The following RIMS3 variants were observed in gnomAD, a reference collection of about 807,000 sequenced individuals.
RIMS3 encodes the protein regulating synaptic membrane exocytosis protein 3.
A neutral mutation model predicts 29.2 loss-of-function variants in RIMS3; 15 were observed. The observed-to-expected ratio is 0.51, with a 90% CI of 0.34 to 0.79. The LOEUF is 0.79. Ranked by LOEUF, RIMS3 falls within the 30% of genes least tolerant of loss-of-function variation. The pLI is 0.01. For synonymous variants in RIMS3, 161 were observed against 170.1 expected (o/e 0.95, Z 0.41); for missense variants, 342 against 421.4 (o/e 0.81, Z 1.65).
the RIMS3 span, among the ~76,000 whole-genome samples, chr1:40,678,347 G>T: frequency 6.6e-6 from 1 of 152,226 alleles, no homozygotes; most frequent in Non-Finnish European, 1.5e-5. Flanking sequence ...GGTGGAGGTT[G>T]CGGTGAGCTG....
chr1:40,683,841 C>T, the RIMS3 span, among the ~76,000 whole-genome samples: 52 of 152,216 alleles, frequency 3.4e-4, 1 homozygote, highest in South Asian at 3.9e-3. Context: ...ACCTCTTTAC[C>T]CTCTTTTCCT....
chr1:40,635,886 G>A lies in RIMS3; in HGVS notation c.359+30C>T, dbSNP rs772412483. On this transcript the variant is annotated intron_variant, in intron 4 of 7. Coordinates refer to ENST00000372684, the MANE Select transcript of RIMS3 (RefSeq NM_014747.3). The surrounding 1 kb of genome is among the most constrained non-coding windows in gnomAD (Gnocchi z 4.1). Reference sequence around the variant, plus strand: ...TGTGACTGGAGGACCGAGGAGGAGGGAGGGGACCACAGCACGGGGCTGCAC... The same window carrying A: ...TGTGACTGGAGGACCGAGGAGGAGGAAGGGGACCACAGCACGGGGCTGCAC... The A allele has an allele frequency of 6.2e-7, 1 of 1,607,996 alleles. No individual in the cohort carries two copies. Among genetic ancestry groups the A allele is most frequent in the African/African-American group, 1.3e-5 (1 of 74,954 alleles).
chr1:40,629,543 C>A (rs954811656), intron 5 of RIMS3, among the ~76,000 whole-genome samples, 171 bp from the exon 6 acceptor site: 3 of 152,240 alleles, frequency 2.0e-5, no homozygotes, highest in East Asian at 3.9e-4. Context: ...TTTAAAGCAG[C>A]TGAGGGACCC....
At chr1:40,655,193 T>C (rs1642258950) in intron 1 of RIMS3, among the ~76,000 whole-genome samples, 1 of 152,120 alleles carries the variant, frequency 6.6e-6, no homozygotes, top group Admixed American at 6.5e-5. Flanking sequence ...TCCGAAGCCT[T>C]CTGCTTCACT....
chr1:40,635,899 C>A lies in RIMS3; in HGVS notation c.359+17G>T, dbSNP rs775727535. The A allele has an allele frequency of 3.1e-6, 5 of 1,611,656 alleles. No individual in the cohort carries two copies. The East Asian group carries it at 1.1e-4, about 36-fold the overall frequency. On this transcript the variant is annotated intron_variant, in intron 4 of 7. Transcript: ENST00000372684. The surrounding 1 kb of genome is among the most constrained non-coding windows in gnomAD (Gnocchi z 4.1). ...CCGAGGAGGAGGGAGGGGACCACAG[C>A]ACGGGGCTGCACGCACGTGCCGTCG...
chr1:40,685,383 TAAATA>T, the RIMS3 span, among the ~76,000 whole-genome samples: 17 of 47,564 alleles, frequency 3.6e-4, no homozygotes, highest in South Asian at 2.9e-3. Context: ...TAATATATAA[TAAATA>T]AAAAAATTTA....
In RIMS3 at chr1:40,641,934, G is replaced by C; in HGVS notation, c.-9C>G. 6.2e-7 allele frequency: 1 copy of C among 1,611,742 alleles called. No individual in the cohort carries two copies. Among genetic ancestry groups the C allele is most frequent in the South Asian group, 1.1e-5 (1 of 90,964 alleles). On this transcript the variant is annotated 5_prime_UTR_variant, in exon 3 of 8. Coordinates refer to ENST00000372684, the MANE Select transcript of RIMS3 (RefSeq NM_014747.3). ...GGCTCCCCGTTAAACATGGTCCCCG[G>C]GGTGGCAGGGCCTCAGGCAGCTCTG... is the stretch of plus-strand genomic sequence containing the variant.
At chr1:40,637,904 C>T (rs1347613951) in intron 3 of RIMS3, among the ~76,000 whole-genome samples, 1 of 152,218 alleles carries the variant, frequency 6.6e-6, no homozygotes, top group Non-Finnish European at 1.5e-5. Flanking sequence ...AATTAGAAAA[C>T]AGATGGGTCT....
chr1:40,686,195 G>A, the RIMS3 span, among the ~76,000 whole-genome samples: 1 of 152,062 alleles, frequency 6.6e-6, no homozygotes, highest in Admixed American at 6.6e-5. Context: ...AGGGCAAGGG[G>A]TATTCAGCAG....
At chr1:40,657,548 C>G (rs1642288768) in intron 1 of RIMS3, among the ~76,000 whole-genome samples, 1 of 152,018 alleles carries the variant, frequency 6.6e-6, no homozygotes, top group Admixed American at 6.5e-5. Context: ...GAGTTGGAGA[C>G]CAATCTGGGC....
At chr1:40,653,134 AG>A (rs1236080817) in intron 1 of RIMS3, among the ~76,000 whole-genome samples, 2 of 152,220 alleles carry the variant, frequency 1.3e-5, no homozygotes, top group African/African-American at 4.8e-5. Flanking sequence ...TCCCACATTC[AG>A]GTGTTGGCCA....
the RIMS3 span, chr1:40,691,728 C>T: frequency 4.4e-6 from 2 of 455,296 alleles, no homozygotes; most frequent in African/African-American, 2.0e-5. Flanking sequence ...CGCCATCTTG[C>T]TTGTGCCCCC....
chr1:40,671,234 G>A, the RIMS3 span, among the ~76,000 whole-genome samples: 1 of 152,180 alleles, frequency 6.6e-6, no homozygotes, highest in Non-Finnish European at 1.5e-5. Context: ...CCTGAATGAT[G>A]CCTAGGCCTT....
chr1:40,675,742 G>A, the RIMS3 span, among the ~76,000 whole-genome samples: 1 of 124,214 alleles, frequency 8.1e-6, no homozygotes. Flanking sequence ...TGGGAAACAA[G>A]AGTGAAACTC....
At chr1:40,663,758 C>A (rs1570209233) in intron 1 of RIMS3, among the ~76,000 whole-genome samples, 1 of 152,164 alleles carries the variant, frequency 6.6e-6, no homozygotes, top group South Asian at 2.1e-4. Flanking sequence ...AGACCACATG[C>A]CCTGGGAGAA....
At chr1:40,685,294 TATTA>T in the RIMS3 span, among the ~76,000 whole-genome samples, 3 of 76,584 alleles carry the variant, frequency 3.9e-5, no homozygotes, top group Admixed American at 1.2e-4. Flanking sequence ...TTAATATATA[TATTA>T]TATATATTAA....
At position 40,634,098 on chromosome 1, in the gene RIMS3, T is replaced by G. The variant is rs559771568; in HGVS notation, c.360-917A>C. Among the ~76,000 whole-genome samples the G allele has an allele frequency of 4.1e-5, 6 of 147,666 alleles. No individual in the cohort carries two copies. In the South Asian group the frequency reaches 8.7e-4, roughly 22 times the overall value. ...CTGAGAAAGGACAGATGAGGGAGGG[T>G]TGGCCCTGCCAACCCTCAGGGGCTA... On this transcript the variant is annotated intron_variant, in intron 4 of 7. Transcript: ENST00000372684.
chr1:40,629,397 C>T, intron 5 of RIMS3, 25 bp from the exon 6 acceptor site: 1 of 1,593,656 alleles, frequency 6.3e-7, no homozygotes, highest in South Asian at 1.1e-5. Context: ...AGGGTGAGTC[C>T]AGGCAGGGCC....
At chr1:40,676,397 G>T in the RIMS3 span, among the ~76,000 whole-genome samples, 2 of 152,188 alleles carry the variant, frequency 1.3e-5, no homozygotes, top group Non-Finnish European at 1.5e-5. Flanking sequence ...AAAATAGCGT[G>T]GTGGCTGGTT....
Sources: allele counts gnomAD v4.1 joint callset (sites outside exome capture counted in the v4.1 genomes callset), GRCh38; gene constraint gnomAD v4.1.1; non-coding constraint Gnocchi (gnomAD v3.1); transcripts MANE v1.5; gene names NCBI Gene and HGNC (gene_info 2026-07-23, HGNC 2026-07-21).